The following RRP1 variants were observed in gnomAD, a reference collection of about 807,000 sequenced individuals.
RRP1 encodes ribosomal RNA processing protein 1 homolog A.
A neutral mutation model predicts 54.6 loss-of-function variants in RRP1; 37 were observed. The ratio of observed to expected loss-of-function variants is 0.68; its 90% CI spans 0.52 to 0.89. RRP1 has a LOEUF of 0.89. RRP1 is among the 40% of genes least tolerant of loss of function. The pLI is 0.00. For synonymous variants in RRP1, 262 were observed against 244.3 expected, an observed-to-expected ratio of 1.07 and a Z score of -0.67; for missense variants, 639 against 612.5, an observed-to-expected ratio of 1.04 and a Z score of -0.46.
chr21:43,803,493 G>C lies in RRP1; in HGVS notation c.1124-19G>C. ...CGTGTTGGCATTCTCTGGCTCATGG[G>C]GTCTTGCTGTTTTGTCAGGGAAAGG... On this transcript the variant is annotated intron_variant, in intron 12 of 12. Coordinates refer to ENST00000497547, the MANE Select transcript of RRP1 (RefSeq NM_003683.6). 1 of 1,533,930 alleles carries C rather than the reference G, an allele frequency of 6.5e-7. No individual in the cohort carries two copies. The highest frequency in any genetic ancestry group is 8.8e-7 in the Non-Finnish European group (1 of 1,134,458).
intron 3 of RRP1, 67 bp from the exon 4 acceptor site, chr21:43,793,252 C>A: frequency 1.4e-6 from 2 of 1,431,244 alleles, no homozygotes; most frequent in African/African-American, 1.4e-5. Context: ...CCTCCATGTT[C>A]TCACCTCCCT....
chr21:43,799,578 T>G lies in RRP1; in HGVS notation c.820T>G (p.Cys274Gly). The G allele has an allele frequency of 6.2e-7, 1 of 1,611,686 alleles. No individual in the cohort carries two copies. The highest frequency in any genetic ancestry group is 8.5e-7 in the Non-Finnish European group (1 of 1,179,734). The change falls in exon 9 of 13, where the codon TGC becomes GGC. Residue 274 changes from cysteine to glycine, a missense_variant. Cys to Gly is a radical substitution (Grantham distance 159). Transcript: ENST00000497547. ...RSEKPPAGSICRAEPEAGEEQ... is the reference protein window; with the variant it reads ...RSEKPPAGSIGRAEPEAGEEQ... Reference sequence around the variant, plus strand: ...GGTCCCTTTTGTTCCAGGCTCCATCTGCAGGGCTGAACCTGAGGCTGGTGA... The same window carrying G: ...GGTCCCTTTTGTTCCAGGCTCCATCGGCAGGGCTGAACCTGAGGCTGGTGA...
Position 43,799,621 on chromosome 21 carries a change from A to G in RRP1, c.863A>G (p.Asp288Gly). The G allele has an allele frequency of 6.2e-7, 1 of 1,612,064 alleles. No individual in the cohort carries two copies. Among genetic ancestry groups the G allele is most frequent in the South Asian group, 1.1e-5 (1 of 90,466 alleles). Residue 288 changes from aspartate to glycine, a missense_variant, in exon 9 of 13, where the codon GAC becomes GGC. Asp to Gly is a moderately conservative substitution (Grantham distance 94, BLOSUM62 -1). Coordinates refer to ENST00000497547, the MANE Select transcript of RRP1 (RefSeq NM_003683.6). Reference sequence around the variant, plus strand: ...GCTGGTGAGGAGCAGGCAGGTGACGACAGGGACAGTGGCGGCCCCGTTCTC... The same window carrying G: ...GCTGGTGAGGAGCAGGCAGGTGACGGCAGGGACAGTGGCGGCCCCGTTCTC... ...PEAGEEQAGD[D>G]RDSGGPVLQF...
At chr21:43,789,900 G>A in intron 1 of RRP1, 138 bp downstream of exon 1, 2 of 1,100,612 alleles carry the variant, frequency 1.8e-6, no homozygotes, top group Non-Finnish European at 2.4e-6. Context: ...GGGGTCCACT[G>A]GCCTGTTCCC....
intron 8 of RRP1, 25 bp downstream of exon 8, chr21:43,798,125 T>C (rs764068737): frequency 3.2e-6 from 5 of 1,575,252 alleles, no homozygotes; most frequent in East Asian, 4.6e-5. Flanking sequence ...GCGCCTGGCT[T>C]CTCCTCGGGG....
At chr21:43,794,074 G>A (rs979329391) in intron 4 of RRP1, among the ~76,000 whole-genome samples, 1 of 152,208 alleles carries the variant, frequency 6.6e-6, no homozygotes, top group Admixed American at 6.5e-5. Context: ...GACACTGAAA[G>A]GGGCCATGTC....
intron 7 of RRP1, 24 bp from the exon 8 acceptor site, chr21:43,797,883 A>C: frequency 1.2e-6 from 2 of 1,604,172 alleles, no homozygotes; most frequent in African/African-American, 1.3e-5. Context: ...GGGCCTGCTC[A>C]CCGGCCTCTG....
rs897169803 is a variant in RRP1, at chr21:43,791,419, A to G, written c.203A>G (p.Lys68Arg). Residue 68 changes from lysine (K) to arginine (R), a missense_variant, in exon 2 of 13, where the codon AAG (lysine) becomes AGG (arginine). Transcript: ENST00000497547. The part of the protein sequence containing the change: ...GLFYCMWMQD[K>R]PLLQEELGRT... ...TTTTATTGCATGTGGATGCAGGACA[A>G]GCCACTCCTCCAGGTGAGTGGGGGG... 8 of 1,613,922 alleles carry G rather than the reference A, an allele frequency of 5.0e-6. No homozygotes were observed. Among genetic ancestry groups the G allele is most frequent in the Non-Finnish European group, 5.9e-6 (7 of 1,179,970 alleles).
chr21:43,800,926 G>A (rs891614478), intron 11 of RRP1, 45 bp downstream of exon 11: 2 of 1,606,570 alleles, frequency 1.2e-6, no homozygotes, highest in East Asian at 2.2e-5. Context: ...CTTGGAGGTG[G>A]AGCTCCATCC....
At chr21:43,802,597 C>T (rs1179695671) in intron 12 of RRP1, 1 of 548,124 alleles carries the variant, frequency 1.8e-6, no homozygotes, top group Non-Finnish European at 3.3e-6. Context: ...CCTTCCTTGT[C>T]TGCAGCTCCC....
intron 12 of RRP1, 31 bp from the exon 13 acceptor site, chr21:43,803,481 T>A: frequency 6.6e-7 from 1 of 1,519,386 alleles, no homozygotes; most frequent in South Asian, 1.2e-5. Context: ...GTTGGCATTC[T>A]CTGGCTCATG....
intron 2 of RRP1, among the ~76,000 whole-genome samples, chr21:43,792,221 T>C (rs1489350132): frequency 6.6e-6 from 1 of 152,208 alleles, no homozygotes; most frequent in Non-Finnish European, 1.5e-5. Context: ...AAATGTCCCT[T>C]AGCAAGTATT....
At position 43,800,612 on chromosome 21, in the gene RRP1, G is replaced by A; in HGVS notation, c.987G>A (p.Arg329=). Residue 329 remains arginine (R), a splice_region_variant and synonymous_variant, in exon 10 of 13, where the codon CGG becomes CGA. Transcript: ENST00000497547. ...QNRKRLYKVI[R]KLQDLAGGIF... Reference sequence around the variant, plus strand: ...GAAAGCGTCTCTACAAAGTGATCCGGAAGTGAGTGTGTGAGGGCGCTGCGT... The same window carrying A: ...GAAAGCGTCTCTACAAAGTGATCCGAAAGTGAGTGTGTGAGGGCGCTGCGT... 1 of 1,614,132 alleles carries A rather than the reference G, an allele frequency of 6.2e-7. No individual in the cohort carries two copies. Among genetic ancestry groups the A allele is most frequent in the Non-Finnish European group, 8.5e-7 (1 of 1,179,944 alleles).
At chr21:43,798,346 C>T (rs898143506) in intron 8 of RRP1, among the ~76,000 whole-genome samples, 2 of 152,148 alleles carry the variant, frequency 1.3e-5, no homozygotes, top group East Asian at 1.9e-4. Flanking sequence ...CTCGGTCTAA[C>T]GCATGCCTCT....
At chr21:43,798,165 C>T in intron 8 of RRP1, 65 bp downstream of exon 8, 1 of 1,428,038 alleles carries the variant, frequency 7.0e-7, no homozygotes, top group South Asian at 1.4e-5. Context: ...GTGCGATCTC[C>T]TGCTGGGTTG....
At chr21:43,800,318 C>T (rs907107363) in intron 9 of RRP1, among the ~76,000 whole-genome samples, 199 bp from the exon 10 acceptor site, 43 of 152,310 alleles carry the variant, frequency 2.8e-4, no homozygotes, top group African/African-American at 3.8e-4. Flanking sequence ...GCAGTGCGCC[C>T]GCAGCTTGTG....
At chr21:43,796,960 G>A (rs2085024997) in intron 5 of RRP1, among the ~76,000 whole-genome samples, 1 of 152,214 alleles carries the variant, frequency 6.6e-6, no homozygotes, top group Non-Finnish European at 1.5e-5. Flanking sequence ...GGTGGCTCAT[G>A]GTCCTCGGCC....
chr21:43,797,222 C>A, intron 5 of RRP1, 200 bp from the exon 6 acceptor site: 1 of 782,714 alleles, frequency 1.3e-6, no homozygotes, highest in Non-Finnish European at 1.9e-6. Flanking sequence ...AACTCCCTAA[C>A]TGCAAGACTG....
At position 43,797,620 on chromosome 21, in the gene RRP1, T is replaced by C; in HGVS notation, c.553-11T>C. On this transcript the variant is annotated splice_polypyrimidine_tract_variant and intron_variant, in intron 6 of 12. Transcript: ENST00000497547. ...GAGGAGGAACTGAGCTCCCGCTGGC[T>C]TTCCCCGTAGCTTACGGCAGACCAG... 6.2e-7 allele frequency: 1 copy of C among 1,614,164 alleles called. No homozygotes were observed. The highest frequency in any genetic ancestry group is 1.6e-4 in the Middle Eastern group (1 of 6,062).
Sources: gnomAD v4.1 joint callset for allele counts (sites outside exome capture counted in the v4.1 genomes callset) on GRCh38, gnomAD v4.1.1 for gene constraint, MANE v1.5 for transcripts, NCBI Gene and HGNC (gene_info 2026-07-23, HGNC 2026-07-21) for gene names.